Variants in PDZD2 observed in about 807,000 individuals in gnomAD.
PDZD2 encodes PDZ domain containing 2, also known as PDZ domain-containing protein 2.
A neutral mutation model predicts 220.7 loss-of-function variants in PDZD2; 90 were observed. That is an observed-to-expected ratio of 0.41 (90% CI 0.34 to 0.49). PDZD2 has a LOEUF of 0.49. Among genes scored for constraint, PDZD2 ranks in the 20% least tolerant of loss-of-function variants. The probability of loss-of-function intolerance (pLI) is 0.28; values close to 1 mark genes in which losing one functional copy is unlikely to be tolerated. For synonymous variants in PDZD2, 1,375 were observed against 1,450.5 expected (o/e 0.95, Z 1.18); for missense variants, 3,174 against 3,608.5 (o/e 0.88, Z 3.08).
chr5:31,849,933 CACATATATATATATACAT>C (rs1561507173), intron 2 of PDZD2, among the ~76,000 whole-genome samples: 7 of 12,480 alleles, frequency 5.6e-4, no homozygotes, highest in Non-Finnish European at 7.2e-4. Context: ...TATATATATA[CACATATATATATATACAT>C]ATATATATAT....
rs569352228 is a variant in PDZD2, at chr5:31,693,613, C to T, written c.-361+54176C>T. On this transcript the variant is annotated intron_variant, in intron 1 of 24. Transcript: ENST00000438447. ...CTGTACAGTCTCCTGTCATCCCCAGCAGGGAGCTCAGAGTCAAGCCCAAAG... is the reference window on the plus strand; with the variant it reads ...CTGTACAGTCTCCTGTCATCCCCAGTAGGGAGCTCAGAGTCAAGCCCAAAG... 1.3e-4 allele frequency among the ~76,000 whole-genome samples: 19 copies of T among 148,252 alleles called. No homozygotes were observed. The South Asian group carries it at 4.0e-3, about 31-fold the overall frequency.
At chr5:32,060,930 TA>T (rs1739623805) in intron 13 of PDZD2, 71 bp from the exon 14 acceptor site, 1 of 1,461,658 alleles carries the variant, frequency 6.8e-7, no homozygotes, top group Non-Finnish European at 9.6e-7. Context: ...AAACCTCTCC[TA>T]GCAAGAAGGC....
chr5:31,692,158 C>T (rs576899795), intron 1 of PDZD2, among the ~76,000 whole-genome samples: 10 of 152,320 alleles, frequency 6.6e-5, no homozygotes, highest in Middle Eastern at 3.4e-3. Flanking sequence ...GCCCTGCTCG[C>T]GGGAAGGCAG....
At chr5:31,841,546 G>T (rs960271439) in intron 2 of PDZD2, among the ~76,000 whole-genome samples, 1 of 152,106 alleles carries the variant, frequency 6.6e-6, no homozygotes, top group Non-Finnish European at 1.5e-5. Context: ...GGTGGCGGGC[G>T]CCTGTAGTCC....
chr5:31,872,976 A>G (rs1738960891), intron 2 of PDZD2, among the ~76,000 whole-genome samples: 1 of 152,184 alleles, frequency 6.6e-6, no homozygotes, highest in Non-Finnish European at 1.5e-5. Context: ...GGTTTTCCAT[A>G]TGAAAAAATA....
chr5:31,874,618 G>A (rs905839636), intron 2 of PDZD2, among the ~76,000 whole-genome samples: 9 of 151,800 alleles, frequency 5.9e-5, no homozygotes, highest in Admixed American at 2.0e-4. Flanking sequence ...AAAATTAGTC[G>A]GGTGTGGTGG....
chr5:31,821,090 T>C (rs1391080991), intron 2 of PDZD2, among the ~76,000 whole-genome samples: 1 of 152,074 alleles, frequency 6.6e-6, no homozygotes, highest in Non-Finnish European at 1.5e-5. Context: ...AATGTTGTTA[T>C]TACTATATGG....
At chr5:31,964,697 A>G (rs568848658) in intron 2 of PDZD2, among the ~76,000 whole-genome samples, 13 of 152,246 alleles carry the variant, frequency 8.5e-5, no homozygotes, top group African/African-American at 2.6e-4. Flanking sequence ...GTACAAAACT[A>G]ATTGCGGTTT....
rs1753208997 is a variant in PDZD2 at position 32,010,497 on chromosome 5, G to C, written c.1407+15G>C. On this transcript the variant is annotated intron_variant, in intron 6 of 24. Coordinates refer to ENST00000438447, the MANE Select transcript of PDZD2 (RefSeq NM_178140.4). ...TCCAGAGAGCAGTAAGTGGCTCTGT[G>C]CTCCTGGCTTTCTGTTGGAATTACT... The C allele has an allele frequency of 1.3e-6, 2 of 1,594,878 alleles. No homozygotes were observed. The highest frequency in any genetic ancestry group is 1.7e-6 in the Non-Finnish European group (2 of 1,165,182).
chr5:31,923,941 G>C (rs62363761), intron 2 of PDZD2, among the ~76,000 whole-genome samples: 1,671 of 152,154 alleles, frequency 0.011, 10 homozygotes, highest in Middle Eastern at 0.024. Flanking sequence ...TGACCCACCT[G>C]GGCTGCACCT....
chr5:31,708,299 G>T (rs1747923388), intron 1 of PDZD2, among the ~76,000 whole-genome samples: 1 of 152,206 alleles, frequency 6.6e-6, no homozygotes, highest in African/African-American at 2.4e-5. Context: ...GACAGCAGTG[G>T]TCACTGCATA....
intron 2 of PDZD2, among the ~76,000 whole-genome samples, chr5:31,911,340 A>ACTTGTCCAGCACAATACAGAGC (rs1281450261): frequency 6.6e-6 from 1 of 152,216 alleles, no homozygotes; most frequent in Non-Finnish European, 1.5e-5. Flanking sequence ...AATATGAGAA[A>ACTTGTCCAGCACAATACAGAGC]CTTGTCCAGC....
At chr5:31,873,418 C>G (rs1489101324) in intron 2 of PDZD2, among the ~76,000 whole-genome samples, 1 of 147,254 alleles carries the variant, frequency 6.8e-6, no homozygotes, top group African/African-American at 2.5e-5. Flanking sequence ...GTTTGGGTGA[C>G]AGAGTGAAGC....
chr5:31,755,641 G>C (rs899861759), intron 1 of PDZD2, among the ~76,000 whole-genome samples: 8 of 105,100 alleles, frequency 7.6e-5, no homozygotes, highest in Admixed American at 6.6e-4. Flanking sequence ...TGCAGCTTTT[G>C]TTTCCTCAAA....
intron 3 of PDZD2, among the ~76,000 whole-genome samples, chr5:31,988,998 A>T (rs1250287243): frequency 5.9e-5 from 9 of 152,304 alleles, no homozygotes; most frequent in Admixed American, 5.9e-4. Flanking sequence ...TATTCCAATT[A>T]CCATTTGGCT....
chr5:32,016,660 G>C (rs1753811561), intron 6 of PDZD2, among the ~76,000 whole-genome samples: 1 of 152,168 alleles, frequency 6.6e-6, no homozygotes, highest in South Asian at 2.1e-4. Flanking sequence ...TCTGAGCCCA[G>C]GGCAATCACA....
At chr5:31,806,070 C>T (rs1265271977) in intron 2 of PDZD2, among the ~76,000 whole-genome samples, 3 of 152,112 alleles carry the variant, frequency 2.0e-5, no homozygotes, top group African/African-American at 4.8e-5. Context: ...GGTTTGTGGT[C>T]GCCCTAGAAA....
At chr5:31,676,269 A>G (rs1053536315) in intron 1 of PDZD2, among the ~76,000 whole-genome samples, 2 of 152,204 alleles carry the variant, frequency 1.3e-5, no homozygotes, top group African/African-American at 4.8e-5. Flanking sequence ...AGTGTCCAGT[A>G]TGATCCCTGT....
chr5:31,936,517 C>G (rs1745740061), intron 2 of PDZD2, among the ~76,000 whole-genome samples: 1 of 151,266 alleles, frequency 6.6e-6, no homozygotes, highest in South Asian at 2.1e-4. Flanking sequence ...AGAGTTCTCT[C>G]AGTTACTAGT....
Sources: allele counts gnomAD v4.1 joint callset (sites outside exome capture counted in the v4.1 genomes callset), GRCh38; gene constraint gnomAD v4.1.1; transcripts MANE v1.5; gene names NCBI Gene and HGNC (gene_info 2026-07-23, HGNC 2026-07-21).